UBE2E2: variants seen among roughly 807,000 people sequenced by gnomAD.
The protein encoded by UBE2E2 is ubiquitin conjugating enzyme E2 E2, also known as ubiquitin-conjugating enzyme E2 E2.
UBE2E2 carries 6 observed loss-of-function variants against 24.7 expected under a neutral mutation model. That is an observed-to-expected ratio of 0.24 (90% CI 0.13 to 0.48). The LOEUF (loss-of-function observed/expected upper bound fraction) is 0.48. UBE2E2 is among the 20% of genes least tolerant of loss of function. The pLI, the probability that UBE2E2 is intolerant of heterozygous loss-of-function variation, is 0.99. For synonymous variants in UBE2E2, 104 were observed against 83.6 expected, an observed-to-expected ratio of 1.24 and a Z score of -1.33; for missense variants, 169 against 245.0, an observed-to-expected ratio of 0.69 and a Z score of 2.07.
At chr3:23,545,768 C>T (rs1394171165) in intron 5 of UBE2E2, among the ~76,000 whole-genome samples, 1 of 152,108 alleles carries the variant, frequency 6.6e-6, no homozygotes, top group African/African-American at 2.4e-5. Flanking sequence ...AATCTAAGTG[C>T]CCGTCAACCG....
At chr3:23,500,847 A>G (rs1251286922) in intron 4 of UBE2E2, among the ~76,000 whole-genome samples, 2 of 152,224 alleles carry the variant, frequency 1.3e-5, no homozygotes, top group Non-Finnish European at 1.5e-5. Context: ...AGCATTATGC[A>G]TCAAGCAAAT....
intron 3 of UBE2E2, among the ~76,000 whole-genome samples, chr3:23,273,509 C>T (rs1299401036): frequency 1.8e-4 from 26 of 140,768 alleles, no homozygotes; most frequent in African/African-American, 5.1e-4. Context: ...CCAGCCTGGG[C>T]GACAGAGCGA....
intron 3 of UBE2E2, among the ~76,000 whole-genome samples, chr3:23,416,756 T>C (rs1239928266): frequency 6.6e-6 from 1 of 152,202 alleles, no homozygotes; most frequent in Admixed American, 6.5e-5. Flanking sequence ...TCCTTTTTAT[T>C]CTTTTTTCTC....
chr3:23,388,052 G>T (rs969410800), intron 3 of UBE2E2, among the ~76,000 whole-genome samples: 3 of 152,064 alleles, frequency 2.0e-5, no homozygotes, highest in African/African-American at 7.2e-5. Context: ...AATGGAATTG[G>T]GCCTTATGCT....
At chr3:23,370,721 G>A (rs1468106443) in intron 3 of UBE2E2, among the ~76,000 whole-genome samples, 2 of 152,202 alleles carry the variant, frequency 1.3e-5, no homozygotes, top group African/African-American at 4.8e-5. Flanking sequence ...TCCACCAGTG[G>A]TGGAGCTAGA....
At position 23,354,711 on chromosome 3, in the gene UBE2E2, C is replaced by T. The variant is rs1021413479; in HGVS notation, c.227+137399C>T. Among the ~76,000 whole-genome samples the T allele has an allele frequency of 3.3e-3, 506 of 152,170 alleles. 1 individual carries two copies. The highest frequency in any genetic ancestry group is 0.01 in the African/African-American group (427 of 41,540). On this transcript the variant is annotated intron_variant, in intron 3 of 5. Transcript: ENST00000396703. ...CTCACACCAGTTAGAATGGCAATCA[C>T]TAAAAAGTCAGGAAGCAACAGGTGC...
chr3:23,384,222 T>C (rs962722250), intron 3 of UBE2E2, among the ~76,000 whole-genome samples: 3 of 152,190 alleles, frequency 2.0e-5, no homozygotes, highest in East Asian at 3.9e-4. Flanking sequence ...GAGTATAGTG[T>C]CACGAGCATG....
At chr3:23,524,635 C>T (rs961130730) in intron 4 of UBE2E2, among the ~76,000 whole-genome samples, 3 of 152,080 alleles carry the variant, frequency 2.0e-5, no homozygotes, top group Non-Finnish European at 4.4e-5. Flanking sequence ...ATAATCTAAG[C>T]CTCTTGTTTT....
chr3:23,346,161 T>C (rs1695549084), intron 3 of UBE2E2, among the ~76,000 whole-genome samples: 1 of 152,192 alleles, frequency 6.6e-6, no homozygotes, highest in Non-Finnish European at 1.5e-5. Context: ...TAAGTAATTG[T>C]GAAAGACAAA....
intron 3 of UBE2E2, among the ~76,000 whole-genome samples, chr3:23,303,173 A>T (rs1419227036): frequency 6.6e-6 from 1 of 151,888 alleles, no homozygotes; most frequent in Non-Finnish European, 1.5e-5. Context: ...AATCTAATGC[A>T]TGATGATCTG....
At position 23,208,865 on chromosome 3, in the gene UBE2E2, A is replaced by C; in HGVS notation, c.166A>C (p.Ser56Arg). 1 of 1,611,844 alleles carries C rather than the reference A, an allele frequency of 6.2e-7. No individual in the cohort carries two copies. The highest frequency in any genetic ancestry group is 8.5e-7 in the Non-Finnish European group (1 of 1,178,960). Residue 56 changes from serine to arginine, a missense_variant, in exon 2 of 6, where the codon AGT becomes CGT. By Grantham distance (110) the Ser-to-Arg change is moderately radical. Coordinates refer to ENST00000396703, the MANE Select transcript of UBE2E2 (RefSeq NM_152653.4). ...SSKTAAKLST[S>R]AKRIQKELAE... ...CAAAACCGCTGCTAAATTGTCAACT[A>C]GTGCTAAAAGGTACTTCAGTTATTA...
intron 2 of UBE2E2, among the ~76,000 whole-genome samples, chr3:23,214,442 A>G (rs1225440336): frequency 2.0e-5 from 3 of 151,720 alleles, no homozygotes; most frequent in Admixed American, 2.0e-4. Flanking sequence ...TTTGTAGAGG[A>G]GTCTCACTGT....
chr3:23,578,407 A>T (rs1419648124), intron 5 of UBE2E2, among the ~76,000 whole-genome samples: 4 of 152,346 alleles, frequency 2.6e-5, no homozygotes, highest in Non-Finnish European at 4.4e-5. Flanking sequence ...ATACCATTTG[A>T]CCTACCAGTC....
intron 4 of UBE2E2, among the ~76,000 whole-genome samples, chr3:23,519,895 G>T (rs749482161): frequency 6.6e-6 from 1 of 151,352 alleles, no homozygotes. Flanking sequence ...TGTTGCCCAC[G>T]CAGGTCTCTT....
intron 3 of UBE2E2, among the ~76,000 whole-genome samples, chr3:23,253,939 A>T (rs1697647170): frequency 6.6e-6 from 1 of 152,156 alleles, no homozygotes; most frequent in East Asian, 1.9e-4. Flanking sequence ...CCTCTCTCAA[A>T]TAGGGTATAT....
At chr3:23,411,839 T>C (rs542532307) in intron 3 of UBE2E2, among the ~76,000 whole-genome samples, 10 of 152,312 alleles carry the variant, frequency 6.6e-5, no homozygotes, top group African/African-American at 2.4e-4. Context: ...GCTATTGTTA[T>C]AATTATTATG....
chr3:23,365,130 A>G (rs1696220367), intron 3 of UBE2E2, among the ~76,000 whole-genome samples: 1 of 152,222 alleles, frequency 6.6e-6, no homozygotes, highest in African/African-American at 2.4e-5. Context: ...ACTTCAAAAT[A>G]ATAAGAGCCA....
chr3:23,519,955 A>G (rs903951047), intron 4 of UBE2E2, among the ~76,000 whole-genome samples: 18 of 152,188 alleles, frequency 1.2e-4, no homozygotes, highest in African/African-American at 4.1e-4. Context: ...AATATCATTA[A>G]ACATTTCTTC....
At chr3:23,451,094 T>G (rs1698551530) in intron 3 of UBE2E2, among the ~76,000 whole-genome samples, 1 of 152,216 alleles carries the variant, frequency 6.6e-6, no homozygotes, top group African/African-American at 2.4e-5. Context: ...CTGCAACTAT[T>G]GTAAAACTTT....
Sources: allele counts gnomAD v4.1 joint callset (sites outside exome capture counted in the v4.1 genomes callset), GRCh38; gene constraint gnomAD v4.1.1; transcripts MANE v1.5; gene names NCBI Gene and HGNC (gene_info 2026-07-23, HGNC 2026-07-21).